TMCO6: variants seen among roughly 807,000 people sequenced by gnomAD.
TMCO6 encodes the protein transmembrane and coiled-coil domain-containing protein 6.
In TMCO6, 47 loss-of-function variants were observed where a neutral mutation model predicts 61.8. That is an observed-to-expected ratio of 0.76 (90% CI 0.60 to 0.97). The LOEUF (loss-of-function observed/expected upper bound fraction) is 0.97. Among genes scored for constraint, TMCO6 ranks in the 50% least tolerant of loss-of-function variants. The probability of loss-of-function intolerance (pLI) is 0.00; values close to 1 mark genes in which losing one functional copy is unlikely to be tolerated. For synonymous variants in TMCO6, 261 were observed against 254.2 expected, an observed-to-expected ratio of 1.03 and a Z score of -0.25; for missense variants, 557 against 601.6, an observed-to-expected ratio of 0.93 and a Z score of 0.78.
intron 10 of TMCO6, 63 bp from the exon 11 acceptor site, chr5:140,644,510 T>C (rs1757268146): frequency 1.3e-6 from 2 of 1,577,856 alleles, no homozygotes; most frequent in Admixed American, 3.5e-5. Flanking sequence ...TGTCATATAT[T>C]TTAGCTATTG....
the TMCO6 span, among the ~76,000 whole-genome samples, chr5:140,626,899 T>A: frequency 1.4e-4 from 22 of 152,358 alleles, no homozygotes; most frequent in East Asian, 3.1e-3. Flanking sequence ...AAAACTCTAT[T>A]GTGCTTTTAT....
At chr5:140,643,992 T>C in intron 9 of TMCO6, 26 bp downstream of exon 9, 2 of 1,613,810 alleles carry the variant, frequency 1.2e-6, no homozygotes, top group South Asian at 1.1e-5. Context: ...TGCCCAGGCC[T>C]GGACATTTGG....
the TMCO6 span, among the ~76,000 whole-genome samples, chr5:140,598,667 G>C: frequency 6.6e-6 from 1 of 152,210 alleles, no homozygotes; most frequent in Non-Finnish European, 1.5e-5. Context: ...GGGTGCAGTG[G>C]CTTACGCCCG....
At chr5:140,617,953 A>G in the TMCO6 span, among the ~76,000 whole-genome samples, 6 of 152,214 alleles carry the variant, frequency 3.9e-5, no homozygotes, top group South Asian at 1.0e-3. Flanking sequence ...AAGGCTCAGA[A>G]TAGCCAACAT....
rs954698855 is a variant in TMCO6, at chr5:140,639,609, G to C, written c.82G>C (p.Ala28Pro). The change falls in exon 1 of 12, where the codon GCA (alanine) becomes CCA (proline). Residue 28 changes from alanine (A) to proline (P), a missense_variant. By Grantham distance (27) the Ala-to-Pro change is conservative. Transcript: ENST00000394671. ...ELRRRRRERE[A>P]ALRKARREQQ... is the part of the protein sequence containing the mutation. ...ACGGCGCCGCCGGCGGGAGCGGGAG[G>C]CAGGTGTGGGCGGCCGAGGGAGCGC... 3 of 1,542,726 alleles carry C rather than the reference G, an allele frequency of 1.9e-6. No individual in the cohort carries two copies. The Admixed American group carries it at 6.0e-5, about 31-fold the overall frequency.
chr5:140,635,555 G>A (rs931316673), upstream of TMCO6, among the ~76,000 whole-genome samples: 1 of 152,158 alleles, frequency 6.6e-6, no homozygotes, highest in Non-Finnish European at 1.5e-5. Flanking sequence ...TGATGGTTCT[G>A]CAAAGATCTC....
chr5:140,643,266 A>G, intron 7 of TMCO6: 1 of 650,862 alleles, frequency 1.5e-6, no homozygotes. Flanking sequence ...GTGCGATCTC[A>G]GCTCACTGCA....
chr5:140,630,308 T>A, the TMCO6 span, among the ~76,000 whole-genome samples: 17 of 135,812 alleles, frequency 1.3e-4, no homozygotes, highest in Admixed American at 2.2e-4. Context: ...TATTACTCTT[T>A]AAAAAAAATT....
chr5:140,608,674 T>C, the TMCO6 span, among the ~76,000 whole-genome samples: 2 of 152,230 alleles, frequency 1.3e-5, no homozygotes, highest in African/African-American at 4.8e-5. Context: ...TTAATTTTTG[T>C]ATATGATTTG....
At position 140,642,708 on chromosome 5, in the gene TMCO6, G is replaced by A. The variant is rs150745857; in HGVS notation, c.689+37G>A. The A allele has an allele frequency of 8.8e-5, 141 of 1,607,464 alleles. No individual in the cohort carries two copies. In the African/African-American group the frequency reaches 1.8e-3, roughly 21 times the overall value. ...TGTCTTTAGATGTGCAGCCAGAGGT[G>A]ACCCACTCAGTAGTATAGCTCCCGG... On this transcript the variant is annotated intron_variant, in intron 6 of 11. Coordinates refer to ENST00000394671, the MANE Select transcript of TMCO6 (RefSeq NM_018502.5).
the TMCO6 span, among the ~76,000 whole-genome samples, chr5:140,599,676 G>A: frequency 4.6e-5 from 7 of 152,264 alleles, no homozygotes; most frequent in East Asian, 3.9e-4. Flanking sequence ...CGAAGAGGGC[G>A]GATCACCTGA....
the TMCO6 span, among the ~76,000 whole-genome samples, chr5:140,622,817 C>T: frequency 6.6e-6 from 1 of 151,676 alleles, no homozygotes; most frequent in African/African-American, 2.4e-5. Context: ...TACAAGCAAG[C>T]ATCTGACTAG....
At chr5:140,633,166 T>G in the TMCO6 span, 4 of 1,533,146 alleles carry the variant, frequency 2.6e-6, no homozygotes, top group Non-Finnish European at 3.6e-6. Context: ...CTTCCAGGCT[T>G]CACACTTGTG....
intron 4 of TMCO6, 58 bp downstream of exon 4, chr5:140,642,111 G>A (rs1360396101): frequency 4.5e-5 from 71 of 1,568,218 alleles, no homozygotes; most frequent in Middle Eastern, 3.4e-4. Context: ...TGTGCTTTTG[G>A]GACCAGTTTG....
At chr5:140,645,665 C>T (rs1381043089), downstream of TMCO6, 5 of 1,614,198 alleles carry the variant, frequency 3.1e-6, no homozygotes, top group South Asian at 5.5e-5. Context: ...GGACATTCGT[C>T]TCTTGGCCAA....
the TMCO6 span, among the ~76,000 whole-genome samples, chr5:140,621,266 CA>C: frequency 6.6e-6 from 1 of 152,136 alleles, no homozygotes; most frequent in Non-Finnish European, 1.5e-5. Flanking sequence ...TCAGGGACCC[CA>C]AATGGAGGGA....
the TMCO6 span, among the ~76,000 whole-genome samples, chr5:140,617,902 A>G: frequency 6.6e-6 from 1 of 152,168 alleles, no homozygotes; most frequent in East Asian, 1.9e-4. Flanking sequence ...GACAGTGGGA[A>G]TGTAAAATGG....
the TMCO6 span, chr5:140,632,447 T>C: frequency 2.5e-6 from 4 of 1,614,086 alleles, no homozygotes; most frequent in African/African-American, 4.0e-5. The surrounding 1 kb of genome is among the most constrained non-coding windows in gnomAD (Gnocchi z 6.2). Context: ...GCGAGTGTGC[T>C]TGGGCAATGC....
At chr5:140,631,093 A>G in the TMCO6 span, among the ~76,000 whole-genome samples, 2 of 152,366 alleles carry the variant, frequency 1.3e-5, no homozygotes, top group Non-Finnish European at 2.9e-5. Context: ...GGTTATCTGC[A>G]TATGTGTTCT....
Sources: gnomAD v4.1 joint callset for allele counts (sites outside exome capture counted in the v4.1 genomes callset) on GRCh38, gnomAD v4.1.1 for gene constraint, Gnocchi (gnomAD v3.1) non-coding constraint, MANE v1.5 for transcripts, NCBI Gene and HGNC (gene_info 2026-07-23, HGNC 2026-07-21) for gene names.